GPR158: variants seen among roughly 807,000 people sequenced by gnomAD.
GPR158 encodes metabotropic glycine receptor.
GPR158 carries 30 observed loss-of-function variants against 78.2 expected under a neutral mutation model. That is an observed-to-expected ratio of 0.38 (90% CI 0.29 to 0.52). GPR158 has a LOEUF of 0.52. Among genes scored for constraint, GPR158 ranks in the 20% least tolerant of loss-of-function variants. The pLI, the probability that GPR158 is intolerant of heterozygous loss-of-function variation, is 0.83. For missense variants in GPR158, 1,463 were observed against 1,523.5 expected, an observed-to-expected ratio of 0.96 and a Z score of 0.66; for synonymous variants, 581 against 591.1, an observed-to-expected ratio of 0.98 and a Z score of 0.25.
intron 5 of GPR158, among the ~76,000 whole-genome samples, chr10:25,492,179 G>A (rs999566100): frequency 6.6e-6 from 1 of 152,002 alleles, no homozygotes; most frequent in Non-Finnish European, 1.5e-5. Flanking sequence ...CAGCTCTTGG[G>A]GAACTAAGAG....
intron 2 of GPR158, among the ~76,000 whole-genome samples, chr10:25,246,084 C>T (rs1022055235): frequency 2.6e-5 from 4 of 152,184 alleles, no homozygotes; most frequent in African/African-American, 9.6e-5. Context: ...TTTTGAGGAT[C>T]AGTCCTTTTA....
chr10:25,574,280 T>C (rs1466222488), intron 7 of GPR158, among the ~76,000 whole-genome samples: 3 of 152,016 alleles, frequency 2.0e-5, no homozygotes, highest in African/African-American at 7.2e-5. Flanking sequence ...AAAATTTATT[T>C]TGCATTCCAA....
At chr10:25,225,412 C>A (rs1241765102) in intron 2 of GPR158, among the ~76,000 whole-genome samples, 1 of 151,998 alleles carries the variant, frequency 6.6e-6, no homozygotes, top group African/African-American at 2.4e-5. Context: ...AATGAAGGAA[C>A]CCAGTGACCA....
At chr10:25,267,319 C>T (rs564601515) in intron 2 of GPR158, among the ~76,000 whole-genome samples, 13 of 152,174 alleles carry the variant, frequency 8.5e-5, no homozygotes, top group Admixed American at 8.5e-4. Flanking sequence ...CCCTTATTCA[C>T]CTTATTGACA....
intron 2 of GPR158, among the ~76,000 whole-genome samples, chr10:25,290,810 A>C (rs966217823): frequency 6.6e-6 from 1 of 152,108 alleles, no homozygotes; most frequent in African/African-American, 2.4e-5. Flanking sequence ...TAACTGTTAC[A>C]TTACCTTTTC....
intron 2 of GPR158, among the ~76,000 whole-genome samples, chr10:25,292,337 A>C (rs1275730136): frequency 1.3e-5 from 2 of 152,108 alleles, no homozygotes; most frequent in Non-Finnish European, 2.9e-5. Flanking sequence ...ATTTCTGTTT[A>C]CTTTAGACAG....
chr10:25,254,304 T>C (rs1429912530), intron 2 of GPR158, among the ~76,000 whole-genome samples: 2 of 152,206 alleles, frequency 1.3e-5, no homozygotes, highest in Non-Finnish European at 2.9e-5. Context: ...ACAGGACAAA[T>C]AGATTTGCAA....
intron 1 of GPR158, among the ~76,000 whole-genome samples, chr10:25,213,884 T>A (rs1438983329): frequency 6.6e-6 from 1 of 152,238 alleles, no homozygotes; most frequent in African/African-American, 2.4e-5. Flanking sequence ...GAGCAATTTA[T>A]CCTAATACTG....
intron 5 of GPR158, among the ~76,000 whole-genome samples, chr10:25,504,802 A>C (rs921933801): frequency 6.6e-6 from 1 of 152,046 alleles, no homozygotes; most frequent in Non-Finnish European, 1.5e-5. Flanking sequence ...TCATTCTATC[A>C]TGTTATCATG....
chr10:25,379,373 T>G (rs1223168160), intron 2 of GPR158, among the ~76,000 whole-genome samples: 1 of 152,154 alleles, frequency 6.6e-6, no homozygotes, highest in Non-Finnish European at 1.5e-5. Context: ...CATATCACCT[T>G]AACCCAACCA....
intron 4 of GPR158, among the ~76,000 whole-genome samples, chr10:25,455,619 A>G (rs1398770954): frequency 6.6e-6 from 1 of 152,172 alleles, no homozygotes; most frequent in African/African-American, 2.4e-5. Context: ...ACCTTTATGA[A>G]TTCTGTACGG....
chr10:25,273,944 C>T (rs896157912), intron 2 of GPR158, among the ~76,000 whole-genome samples: 1 of 152,120 alleles, frequency 6.6e-6, no homozygotes, highest in Non-Finnish European at 1.5e-5. Context: ...TCCCAAAGTA[C>T]TAGGATTACA....
At chr10:25,384,349 C>CT (rs1834194381) in intron 2 of GPR158, among the ~76,000 whole-genome samples, 1 of 152,148 alleles carries the variant, frequency 6.6e-6, no homozygotes, top group Non-Finnish European at 1.5e-5. Context: ...TAGCCATAAA[C>CT]TTTCAATGGC....
intron 5 of GPR158, among the ~76,000 whole-genome samples, chr10:25,483,299 TG>T (rs1474729056): frequency 6.6e-6 from 1 of 152,082 alleles, no homozygotes; most frequent in African/African-American, 2.4e-5. Flanking sequence ...CCAGTAACAC[TG>T]GGCTCTTCAT....
At chr10:25,270,548 C>T (rs748608479) in intron 2 of GPR158, among the ~76,000 whole-genome samples, 15 of 152,258 alleles carry the variant, frequency 9.9e-5, no homozygotes, top group East Asian at 5.8e-4. Context: ...TCAGACCCAG[C>T]GCACCCCAAA....
rs1374101980 is a variant in GPR158, at chr10:25,175,552, G to A, written c.132G>A (p.Pro44=). 5 of 1,611,084 alleles carry A rather than the reference G, an allele frequency of 3.1e-6. No individual in the cohort carries two copies. The highest frequency in any genetic ancestry group is 3.4e-6 in the Non-Finnish European group (4 of 1,179,800). The change falls in exon 1 of 11, where the codon CCG becomes CCA. Residue 44 remains proline, a synonymous_variant. Transcript: ENST00000376351. This position sits in a 1 kb window ranked among gnomAD's most constrained non-coding sequence, Gnocchi z 6.4. The part of the protein sequence containing the change: ...SPRERTPKGK[P]HAQQPGRASA... ...GAGAGAGGACCCCGAAGGGGAAGCCGCACGCCCAGCAGCCGGGTCGAGCCT... is the reference window on the plus strand; with the variant it reads ...GAGAGAGGACCCCGAAGGGGAAGCCACACGCCCAGCAGCCGGGTCGAGCCT...
At chr10:25,179,524 T>C (rs1269933853) in intron 1 of GPR158, among the ~76,000 whole-genome samples, 9 of 152,206 alleles carry the variant, frequency 5.9e-5, no homozygotes, top group African/African-American at 2.2e-4. Flanking sequence ...AAAAGTAATA[T>C]GTAGAACTTC....
intron 4 of GPR158, among the ~76,000 whole-genome samples, chr10:25,412,938 T>A (rs1834612938): frequency 6.6e-6 from 1 of 152,236 alleles, no homozygotes; most frequent in Non-Finnish European, 1.5e-5. Flanking sequence ...TATTTTGTCT[T>A]ACATTAGTGT....
chr10:25,391,531 TA>T (rs1342849698), intron 2 of GPR158, among the ~76,000 whole-genome samples: 2 of 152,242 alleles, frequency 1.3e-5, no homozygotes, highest in Non-Finnish European at 2.9e-5. Context: ...TGCTGGATTT[TA>T]GACTTTCATG....
Sources: allele counts gnomAD v4.1 joint callset (sites outside exome capture counted in the v4.1 genomes callset), GRCh38; gene constraint gnomAD v4.1.1; non-coding constraint Gnocchi (gnomAD v3.1); transcripts MANE v1.5; gene names NCBI Gene and HGNC (gene_info 2026-07-23, HGNC 2026-07-21).